Variants in RBM10 observed in about 807,000 individuals in gnomAD.
RBM10 encodes the protein RNA-binding protein 10.
Under a neutral mutation model 84.9 loss-of-function variants are expected in RBM10, and 1 was observed. That is an observed-to-expected ratio of 0.01 (90% CI 0.00 to 0.06). The LOEUF is 0.06. RBM10 is among the 10% of genes least tolerant of loss of function. The pLI is 1.00. For missense variants in RBM10, 438 were observed against 839.0 expected, an observed-to-expected ratio of 0.52 and a Z score of 5.90; for synonymous variants, 326 against 344.5, an observed-to-expected ratio of 0.95 and a Z score of 0.60.
Position 47,180,316 on chromosome X carries a change from G to T in RBM10, c.1160+7G>T, listed in dbSNP as rs1340921335. On this transcript the variant is annotated splice_region_variant and intron_variant, in intron 11 of 23. Coordinates refer to ENST00000377604, the MANE Select transcript of RBM10 (RefSeq NM_005676.5). ...TTGCCAAGGGTTCTAAGAGGTCAGG[G>T]CCCCACCTGTGTGCCTTCCCACCCT... The T allele has an allele frequency of 8.4e-7, 1 of 1,185,818 alleles. No homozygotes were observed.
chrX:47,174,385 G>A (rs1934953563), intron 5 of RBM10, among the ~76,000 whole-genome samples: 1 of 111,597 alleles, frequency 9.0e-6, no homozygotes, highest in South Asian at 3.7e-4. Context: ...CCCTGAGGTG[G>A]CTCCCTAGCG....
intron 17 of RBM10, among the ~76,000 whole-genome samples, chrX:47,184,043 AAGC>A (rs1217920851): frequency 1.8e-5 from 2 of 111,872 alleles, no homozygotes; most frequent in Non-Finnish European, 3.8e-5. Context: ...TTTCTTTAAA[AAGC>A]AGCCGCGATC....
At position 47,179,464 on chromosome X, in the gene RBM10, C is replaced by A; in HGVS notation, c.870C>A (p.Gly290=). The A allele has an allele frequency of 8.3e-7, 1 of 1,202,779 alleles. No individual in the cohort carries two copies. The highest frequency in any genetic ancestry group is 1.8e-5 in the South Asian group (1 of 56,739). The change falls in exon 9 of 24, where the codon GGC becomes GGA. Residue 290 remains glycine, a synonymous_variant. Coordinates refer to ENST00000377604, the MANE Select transcript of RBM10 (RefSeq NM_005676.5). ...TGGCCTCCCAAGCCCTGTCACAGGG[C>A]TCGGAGCCAAGCTCAGAGAACGCCA... The part of the protein sequence containing the change: ...GVLASQALSQ[G]SEPSSENAND...
intron 2 of RBM10, among the ~76,000 whole-genome samples, chrX:47,165,106 TG>T (rs1427239671): frequency 9.0e-6 from 1 of 111,065 alleles, no homozygotes; most frequent in Non-Finnish European, 1.9e-5. Flanking sequence ...GGCTGTGGGG[TG>T]GGGTGAGAAT....
At chrX:47,177,757 C>T (rs1935243795) in intron 7 of RBM10, among the ~76,000 whole-genome samples, 1 of 111,492 alleles carries the variant, frequency 9.0e-6, no homozygotes, top group Non-Finnish European at 1.9e-5. Context: ...CGCATGCCAC[C>T]ACACCCACTA....
At chrX:47,166,205 A>G (rs1250657890) in intron 2 of RBM10, among the ~76,000 whole-genome samples, 1 of 111,592 alleles carries the variant, frequency 9.0e-6, no homozygotes, top group Non-Finnish European at 1.9e-5. Flanking sequence ...CCAAAAGTTC[A>G]GGATCAGGCT....
At chrX:47,168,496 C>G (rs1934393361) in intron 2 of RBM10, among the ~76,000 whole-genome samples, 1 of 110,961 alleles carries the variant, frequency 9.0e-6, no homozygotes, top group African/African-American at 3.3e-5. Flanking sequence ...TGCAGTGAGC[C>G]CTGATAATGC....
At chrX:47,157,630 G>A (rs1386941642) in intron 2 of RBM10, 1 of 498,713 alleles carries the variant, frequency 2.0e-6, no homozygotes, top group Non-Finnish European at 3.7e-6. Flanking sequence ...GTTTCAGGGT[G>A]GGCATCGATG....
chrX:47,145,506 T>G (rs1224947130), intron 1 of RBM10, 21 bp downstream of exon 1: 1 of 1,122,531 alleles, frequency 8.9e-7, no homozygotes, highest in Non-Finnish European at 1.2e-6. Context: ...ACGCTGGTCG[T>G]GGGGGCGGAG....
At chrX:47,152,774 GACACAC>G (rs370048928) in intron 2 of RBM10, among the ~76,000 whole-genome samples, 2,965 of 80,306 alleles carry the variant, frequency 0.037, 129 homozygotes, top group African/African-American at 0.12. Flanking sequence ...TCTTTACATA[GACACAC>G]ACACACACAC....
At chrX:47,169,279 C>T (rs2147127098) in intron 2 of RBM10, 36 bp from the exon 3 acceptor site, 2 of 1,169,126 alleles carry the variant, frequency 1.7e-6, no homozygotes, top group South Asian at 1.9e-5. Flanking sequence ...GAAAGGGCAA[C>T]CTTCTGATCC....
chrX:47,171,071 G>T lies in RBM10; in HGVS notation c.245G>T (p.Arg82Leu). The change falls in exon 4 of 24, where the codon CGG becomes CTG. Residue 82 changes from arginine to leucine, a missense_variant. Arg to Leu is a moderately radical substitution (Grantham distance 102, BLOSUM62 -2). This residue lies in a region of RBM10 where 92 missense variants were observed against 134.3 expected (regional missense o/e 0.69). Transcript: ENST00000377604. The stretch of plus-strand genomic sequence containing the variant: ...CCGGGCTCCGAGACTCAGCGTAGGC[G>T]GCGGCGGCGGCACAGGCACAGCCCC... Reference protein sequence around the residue: ...ASPGSETQRRRRRRHRHSPTG... With the variant: ...ASPGSETQRRLRRRHRHSPTG... 3 of 1,210,385 alleles carry T rather than the reference G, an allele frequency of 2.5e-6. No individual in the cohort carries two copies. The highest frequency in any genetic ancestry group is 3.4e-6 in the Non-Finnish European group (3 of 894,975).
At chrX:47,176,185 T>C (rs2147154620) in intron 6 of RBM10, among the ~76,000 whole-genome samples, 1 of 107,659 alleles carries the variant, frequency 9.3e-6, no homozygotes, top group Non-Finnish European at 1.9e-5. Context: ...GGGTGTGGCC[T>C]GGCAGTGTCA....
intron 3 of RBM10, 99 bp downstream of exon 3, chrX:47,169,597 C>A: frequency 2.2e-6 from 2 of 909,715 alleles, no homozygotes; most frequent in Non-Finnish European, 1.5e-6. Context: ...TCTCCACTCC[C>A]GTGCCTTCAG....
intron 6 of RBM10, among the ~76,000 whole-genome samples, chrX:47,175,721 G>T (rs1350646134): frequency 9.0e-6 from 1 of 111,050 alleles, no homozygotes; most frequent in Non-Finnish European, 1.9e-5. Context: ...ACCACCTCAG[G>T]CAGCTCTGTC....
chrX:47,150,261 C>T (rs1040864513), intron 2 of RBM10, among the ~76,000 whole-genome samples: 2 of 111,160 alleles, frequency 1.8e-5, no homozygotes, highest in Non-Finnish European at 3.8e-5. Context: ...CTTCGCCTCC[C>T]GGGTTCACAC....
At chrX:47,161,134 C>T (rs141810149) in intron 2 of RBM10, among the ~76,000 whole-genome samples, 1,121 of 109,663 alleles carry the variant, frequency 0.01, 7 homozygotes, top group African/African-American at 0.035. Flanking sequence ...CCAGTAGAGA[C>T]GAGGTCTGAC....
At chrX:47,174,972 A>G (rs782327788) in intron 5 of RBM10, 47 bp from the exon 6 acceptor site, 2 of 1,126,976 alleles carry the variant, frequency 1.8e-6, no homozygotes, top group South Asian at 1.8e-5. Context: ...CGTGTGTCCA[A>G]AGCTGTTGAC....
intron 17 of RBM10, 23 bp downstream of exon 17, chrX:47,182,349 C>A: frequency 8.4e-7 from 1 of 1,191,041 alleles, no homozygotes; most frequent in South Asian, 1.8e-5. Context: ...GTCCAGCAGT[C>A]ACTGGCTGGC....
Sources: gnomAD v4.1 joint callset for allele counts (sites outside exome capture counted in the v4.1 genomes callset) on GRCh38, gnomAD v4.1.1 for gene constraint, gnomAD v4.1.1 regional missense constraint, MANE v1.5 for transcripts, NCBI Gene and HGNC (gene_info 2026-07-23, HGNC 2026-07-21) for gene names.